Variants in KCNN2 observed in about 807,000 individuals in gnomAD.
The protein encoded by KCNN2 is potassium calcium-activated channel subfamily N member 2.
Under a neutral mutation model 55.5 loss-of-function variants are expected in KCNN2, and 24 were observed. The observed-to-expected ratio is 0.43, with a 90% CI of 0.31 to 0.61. KCNN2 has a LOEUF of 0.61. Ranked by LOEUF, KCNN2 falls within the 20% of genes least tolerant of loss-of-function variation. The probability of loss-of-function intolerance (pLI) is 0.08; values close to 1 mark genes in which losing one functional copy is unlikely to be tolerated. For missense variants in KCNN2, 754 were observed against 853.6 expected (o/e 0.88, Z 1.45); for synonymous variants, 431 against 336.1 (o/e 1.28, Z -3.09).
At position 114,362,938 on chromosome 5, in the gene KCNN2, G is replaced by T. The variant is rs1008566674; in HGVS notation, c.799G>T (p.Ala267Ser). 6.3e-7 allele frequency: 1 copy of T among 1,582,814 alleles called. No individual in the cohort carries two copies. The highest frequency in any genetic ancestry group is 1.3e-5 in the African/African-American group (1 of 74,622). The change falls in exon 1 of 8, where the codon GCC (alanine) becomes TCC (serine). Residue 267 changes from alanine to serine, a missense_variant. This residue lies in a region of KCNN2 where 381 missense variants were observed against 259.1 expected (regional missense o/e 1.47). Coordinates refer to ENST00000673685, the MANE Select transcript of KCNN2 (RefSeq NM_021614.4). Reference protein sequence around the residue: ...GASSPSAAAAAAAAVSSSAPE... With the variant: ...GASSPSAAAASAAAVSSSAPE... ...GTCCTCCCCGTCTGCAGCCGCTGCC[G>T]CCGCCGCCGCTGTTTCGTCCTCAGC...
intron 1 of KCNN2, among the ~76,000 whole-genome samples, chr5:114,203,507 C>G (rs1351868752): frequency 5.3e-5 from 8 of 152,068 alleles, no homozygotes; most frequent in African/African-American, 1.9e-4. Context: ...CCATATTTTC[C>G]CTTTGTGTCT....
At chr5:114,093,716 T>C (rs1751196173) in intron 1 of KCNN2, among the ~76,000 whole-genome samples, 1 of 152,150 alleles carries the variant, frequency 6.6e-6, no homozygotes, top group South Asian at 2.1e-4. Flanking sequence ...TACCAAACTC[T>C]TATATAACCA....
intron 1 of KCNN2, among the ~76,000 whole-genome samples, chr5:114,194,298 T>A (rs754818170): frequency 6.6e-6 from 1 of 152,098 alleles, no homozygotes; most frequent in Admixed American, 6.6e-5. Context: ...AATGAATGCA[T>A]CATTTTACAT....
chr5:114,237,292 T>TCA (rs1301253857), intron 2 of KCNN2, among the ~76,000 whole-genome samples: 2 of 92,070 alleles, frequency 2.2e-5, no homozygotes, highest in African/African-American at 3.9e-5. Flanking sequence ...ACACACACAC[T>TCA]CACACACACA....
At chr5:114,190,946 C>T (rs1753437733) in intron 1 of KCNN2, among the ~76,000 whole-genome samples, 1 of 152,096 alleles carries the variant, frequency 6.6e-6, no homozygotes, top group Non-Finnish European at 1.5e-5. Context: ...AGGTTATTGA[C>T]TCTCAAAGTG....
intron 2 of KCNN2, among the ~76,000 whole-genome samples, chr5:114,293,757 A>G (rs1755946712): frequency 3.3e-5 from 5 of 152,216 alleles, no homozygotes; most frequent in Admixed American, 2.6e-4. Context: ...GGAGAGTTTC[A>G]GAAGGAATGG....
At chr5:114,269,521 G>A (rs1321929536) in intron 2 of KCNN2, among the ~76,000 whole-genome samples, 1 of 150,642 alleles carries the variant, frequency 6.6e-6, no homozygotes, top group Non-Finnish European at 1.5e-5. Context: ...GTGCTGGGTT[G>A]GGGGAATATC....
At chr5:114,434,789 T>TG (rs1433684119) in intron 3 of KCNN2, among the ~76,000 whole-genome samples, 1 of 151,996 alleles carries the variant, frequency 6.6e-6, no homozygotes, top group Non-Finnish European at 1.5e-5. Context: ...GGGGCTGAAG[T>TG]GGGGGTGTTT....
At chr5:114,121,406 G>A (rs2112597139) in intron 1 of KCNN2, among the ~76,000 whole-genome samples, 1 of 152,186 alleles carries the variant, frequency 6.6e-6, no homozygotes, top group Middle Eastern at 3.4e-3. Flanking sequence ...ATGTACACAG[G>A]ATGAGCTCAG....
chr5:114,477,372 G>A (rs1297112925), intron 5 of KCNN2, among the ~76,000 whole-genome samples: 2 of 152,120 alleles, frequency 1.3e-5, no homozygotes, highest in African/African-American at 4.8e-5. Flanking sequence ...TTATATAAAA[G>A]TTGTTTCTCT....
At chr5:114,405,314 T>C (rs72801807) in intron 3 of KCNN2, among the ~76,000 whole-genome samples, 11,339 of 152,248 alleles carry the variant, frequency 0.074, 540 homozygotes, top group Non-Finnish European at 0.1. Flanking sequence ...CTGTATATAA[T>C]AGTTTTCAAA....
intron 1 of KCNN2, among the ~76,000 whole-genome samples, chr5:114,114,915 T>C (rs1372484928): frequency 2.0e-5 from 3 of 152,174 alleles, no homozygotes; most frequent in African/African-American, 4.8e-5. Context: ...AGCTCAATTC[T>C]ATGACTTCTC....
chr5:114,115,325 C>T (rs1218410491), intron 1 of KCNN2, among the ~76,000 whole-genome samples: 1 of 152,066 alleles, frequency 6.6e-6, no homozygotes, highest in Non-Finnish European at 1.5e-5. Flanking sequence ...CCATTTGTCA[C>T]CTATAAAATG....
intron 6 of KCNN2, among the ~76,000 whole-genome samples, chr5:114,491,485 C>T (rs867730728): frequency 2.8e-5 from 4 of 141,998 alleles, no homozygotes; most frequent in Non-Finnish European, 4.5e-5. Context: ...CTGCAGAAAG[C>T]TCTGAGCTGA....
chr5:114,483,311 G>A (rs1762312953), intron 5 of KCNN2, among the ~76,000 whole-genome samples: 2 of 128,492 alleles, frequency 1.6e-5, no homozygotes, highest in Admixed American at 1.8e-4. Flanking sequence ...GAGTCGCTTT[G>A]TCACCCAGGC....
chr5:114,493,546 G>A (rs1479028501), intron 7 of KCNN2, 74 bp downstream of exon 7: 1 of 1,017,474 alleles, frequency 9.8e-7, no homozygotes. Flanking sequence ...AATCATGAAT[G>A]TTTCAAGAGG....
rs146824439 is a variant in KCNN2 at position 114,394,088 on chromosome 5, C to G, written c.1219-10350C>G. Reference sequence around the variant, plus strand: ...TATGCTTATAACCTGATAAATTGCTCTCCTCCGATTGTACCAATTTACACT... The same window carrying G: ...TATGCTTATAACCTGATAAATTGCTGTCCTCCGATTGTACCAATTTACACT... On this transcript the variant is annotated intron_variant, in intron 2 of 7. Transcript: ENST00000673685. Among the ~76,000 whole-genome samples, 184 of 152,274 alleles carry G rather than the reference C, an allele frequency of 1.2e-3. 3 individuals are homozygous for G. The highest frequency in any genetic ancestry group is 4.3e-3 in the African/African-American group (178 of 41,558).
chr5:114,270,889 G>A (rs988039047), intron 2 of KCNN2, among the ~76,000 whole-genome samples: 5 of 152,140 alleles, frequency 3.3e-5, no homozygotes, highest in Admixed American at 1.3e-4. Context: ...CTTCGGGTGG[G>A]TTCGTGGTCT....
At chr5:114,078,165 T>G (rs1750724450) in intron 1 of KCNN2, among the ~76,000 whole-genome samples, 1 of 152,192 alleles carries the variant, frequency 6.6e-6, no homozygotes, top group Non-Finnish European at 1.5e-5. Context: ...TTAAAATGAT[T>G]AAAATGGATT....
Sources: gnomAD v4.1 joint callset for allele counts (sites outside exome capture counted in the v4.1 genomes callset) on GRCh38, gnomAD v4.1.1 for gene constraint, gnomAD v4.1.1 regional missense constraint, MANE v1.5 for transcripts, NCBI Gene and HGNC (gene_info 2026-07-23, HGNC 2026-07-21) for gene names.